ANK3: variants seen among roughly 807,000 people sequenced by gnomAD.
The protein encoded by ANK3 is ankyrin-3.
Under a neutral mutation model 370.9 loss-of-function variants are expected in ANK3, and 57 were observed. That is an observed-to-expected ratio of 0.15 (90% CI 0.12 to 0.19). ANK3 has a LOEUF of 0.19. ANK3 is among the 10% of genes least tolerant of loss of function. The pLI, the probability that ANK3 is intolerant of heterozygous loss-of-function variation, is 1.00. For missense variants in ANK3, 4,439 were observed against 5,302.1 expected, an observed-to-expected ratio of 0.84 and a Z score of 5.06; for synonymous variants, 1,929 against 1,946.3, an observed-to-expected ratio of 0.99 and a Z score of 0.23.
At chr10:60,625,725 G>C (rs2078400258) in intron 1 of ANK3, among the ~76,000 whole-genome samples, 1 of 151,952 alleles carries the variant, frequency 6.6e-6, no homozygotes, top group Non-Finnish European at 1.5e-5. Context: ...ATGTAGTTTT[G>C]TTTTATTTGC....
At position 60,450,643 on chromosome 10, in the gene ANK3, C is replaced by T. The variant is rs1313290132; in HGVS notation, c.96+164543G>A. On this transcript the variant is annotated intron_variant, in intron 2 of 43. Transcript: ENST00000373827. Reference sequence around the variant, plus strand: ...TGAATCAAAAAAAGCGTAAGTTCTTCGGGCTGGAGTATAAGATGCCTTAGA... The same window carrying T: ...TGAATCAAAAAAAGCGTAAGTTCTTTGGGCTGGAGTATAAGATGCCTTAGA... Among the ~76,000 whole-genome samples, 8 of 152,054 alleles carry T rather than the reference C, an allele frequency of 5.3e-5. 1 individual carries two copies.
intron 1 of ANK3, among the ~76,000 whole-genome samples, chr10:60,363,955 A>G (rs1235903415): frequency 6.9e-6 from 1 of 145,136 alleles, no homozygotes; most frequent in Non-Finnish European, 1.5e-5. Context: ...TAGTTAAAAA[A>G]GAGGAAGGAG....
intron 1 of ANK3, among the ~76,000 whole-genome samples, chr10:60,715,276 C>G (rs1163476198): frequency 1.3e-5 from 2 of 149,620 alleles, no homozygotes; most frequent in African/African-American, 2.5e-5. Context: ...TTCGTGAAAG[C>G]AAACACGGTG....
chr10:60,512,844 C>G (rs1365742663), intron 2 of ANK3, among the ~76,000 whole-genome samples: 1 of 152,056 alleles, frequency 6.6e-6, no homozygotes, highest in East Asian at 1.9e-4. Flanking sequence ...TAGAATATAG[C>G]AGTAATGGTG....
intron 1 of ANK3, among the ~76,000 whole-genome samples, chr10:60,633,172 A>G (rs1016781666): frequency 2.1e-4 from 32 of 152,226 alleles, no homozygotes; most frequent in Admixed American, 1.2e-3. Flanking sequence ...ATTAAATCCA[A>G]GTTTAGCAGG....
intron 2 of ANK3, among the ~76,000 whole-genome samples, chr10:60,594,336 T>A (rs1398068125): frequency 6.6e-6 from 1 of 152,152 alleles, no homozygotes; most frequent in Non-Finnish European, 1.5e-5. Flanking sequence ...TTCACACCCA[T>A]CATACTAGGC....
intron 28 of ANK3, among the ~76,000 whole-genome samples, chr10:60,100,234 G>GTTTT (rs3045340): frequency 0.18 from 10,229 of 57,556 alleles, 2,248 homozygotes; most frequent in East Asian, 0.52. Flanking sequence ...TTTTGCTATG[G>GTTTT]TTTTTTTTTT....
intron 2 of ANK3, among the ~76,000 whole-genome samples, chr10:60,513,140 T>C (rs2133166409): frequency 6.6e-6 from 1 of 152,260 alleles, no homozygotes; most frequent in East Asian, 1.9e-4. Flanking sequence ...ATGAGATTAA[T>C]AATTGAGGAG....
chr10:60,348,969 A>G (rs1386251923), intron 1 of ANK3, among the ~76,000 whole-genome samples: 2 of 152,192 alleles, frequency 1.3e-5, no homozygotes, highest in Non-Finnish European at 2.9e-5. Flanking sequence ...CATCTCTCAT[A>G]CATATTTATA....
At chr10:60,518,974 C>G (rs1409866621) in intron 2 of ANK3, among the ~76,000 whole-genome samples, 1 of 152,136 alleles carries the variant, frequency 6.6e-6, no homozygotes, top group Non-Finnish European at 1.5e-5. Flanking sequence ...TCCTTTCTAC[C>G]TGGTTTCCTT....
At position 60,102,999 on chromosome 10, in the gene ANK3, G is replaced by A. The variant is rs147407251; in HGVS notation, c.3328+2906C>T. ...GACAAAGTCTTGCTGTCGTCAGGCT[G>A]GAGTGCAGTGGCGCGATCTTGGCTC... On this transcript the variant is annotated intron_variant, in intron 28 of 43. Coordinates refer to ENST00000280772, the MANE Select transcript of ANK3 (RefSeq NM_020987.5). Among the ~76,000 whole-genome samples, 471 of 151,946 alleles carry A rather than the reference G, an allele frequency of 3.1e-3. 2 individuals carry two copies. Among genetic ancestry groups the A allele is most frequent in the African/African-American group, 0.011 (437 of 41,428 alleles).
At chr10:60,382,905 A>C (rs71499275) in intron 1 of ANK3, among the ~76,000 whole-genome samples, 1 of 151,512 alleles carries the variant, frequency 6.6e-6, no homozygotes, top group Non-Finnish European at 1.5e-5. Flanking sequence ...AGTATAAAGG[A>C]ATATACAAAT....
At chr10:60,032,003 T>C (rs1265269163) in intron 43 of ANK3, among the ~76,000 whole-genome samples, 1 of 152,060 alleles carries the variant, frequency 6.6e-6, no homozygotes, top group Non-Finnish European at 1.5e-5. Flanking sequence ...AATCAGAAGA[T>C]GATGATCAGG....
rs5785462 is a variant in ANK3, at chr10:60,702,265, C to CA, written c.57+30997dup. ...TGGGAAATAGGACAAGACCCTGTCTCAAAAAAAAAAAAAAAATGTGGCCAA... is the reference window on the plus strand; with the variant it reads ...TGGGAAATAGGACAAGACCCTGTCTCAAAAAAAAAAAAAAAAATGTGGCCAA... On this transcript the variant is annotated intron_variant, in intron 1 of 43. Coordinates refer to the ANK3 transcript ENST00000373827. Among the ~76,000 whole-genome samples, 752 of 128,920 alleles carry CA rather than the reference C, an allele frequency of 5.8e-3. 2 individuals carry two copies. The highest frequency in any genetic ancestry group is 0.015 in the African/African-American group (534 of 35,100). The allele number at this position is 128,920 out of a possible 152,430, so 84.6% of individuals were successfully genotyped here. A position where few individuals can be genotyped will look rare whatever the true frequency, so the allele number is the denominator to read the frequency against.
chr10:60,658,829 G>A (rs1227493247), intron 1 of ANK3, among the ~76,000 whole-genome samples: 1 of 151,718 alleles, frequency 6.6e-6, no homozygotes, highest in Non-Finnish European at 1.5e-5. Context: ...GGGAGGGGAA[G>A]GGTAGGGAGG....
At chr10:60,129,746 C>G (rs2093962706) in intron 25 of ANK3, among the ~76,000 whole-genome samples, 1 of 87,658 alleles carries the variant, frequency 1.1e-5, no homozygotes, top group African/African-American at 4.0e-5. Flanking sequence ...GAGTGAGACT[C>G]TGTCACACAC....
chr10:60,068,998 G>A lies in ANK3; in HGVS notation c.11883C>T (p.Thr3961=). The A allele has an allele frequency of 6.2e-7, 1 of 1,613,804 alleles. No individual in the cohort carries two copies. Among genetic ancestry groups the A allele is most frequent in the Admixed American group, 1.7e-5 (1 of 59,994 alleles). Residue 3961 remains threonine, a synonymous_variant, in exon 37 of 44, where the codon ACC becomes ACT. Transcript: ENST00000280772. ...PVKVRSTCVT[T]TTTTATTTTT... ...TGGTGGTGGTGGCAGTGGTGGTGGT[G>A]GTAGTGACACAGGTGGATCTTACCT...
intron 1 of ANK3, among the ~76,000 whole-genome samples, chr10:60,318,113 A>C (rs1221809819): frequency 6.6e-6 from 1 of 152,178 alleles, no homozygotes; most frequent in African/African-American, 2.4e-5. Context: ...GTAAAATTTT[A>C]AGTTCTGGGA....
chr10:60,565,595 C>T (rs2077440885), intron 2 of ANK3, among the ~76,000 whole-genome samples: 1 of 152,100 alleles, frequency 6.6e-6, no homozygotes, highest in Non-Finnish European at 1.5e-5. Context: ...TGTATCTTGC[C>T]GTAACTCACC....
Sources: allele counts gnomAD v4.1 joint callset (sites outside exome capture counted in the v4.1 genomes callset), GRCh38; gene constraint gnomAD v4.1.1; transcripts MANE v1.5; gene names NCBI Gene and HGNC (gene_info 2026-07-23, HGNC 2026-07-21).